ACTA2: variants seen among roughly 807,000 people sequenced by gnomAD.
ACTA2 encodes actin alpha 2, smooth muscle, also known as actin, aortic smooth muscle.
In ACTA2, 12 loss-of-function variants were observed where a neutral mutation model predicts 39.5. That is an observed-to-expected ratio of 0.30 (90% CI 0.19 to 0.49). The LOEUF (loss-of-function observed/expected upper bound fraction) is 0.49, where lower values mean the gene tolerates loss of function less well. ACTA2 is among the 20% of genes least tolerant of loss of function. The pLI is 0.99. For missense variants in ACTA2, 236 were observed against 498.8 expected, an observed-to-expected ratio of 0.47 and a Z score of 5.02; for synonymous variants, 158 against 180.6, an observed-to-expected ratio of 0.88 and a Z score of 1.00.
chr10:88,959,988 G>A (rs1210999755), intron 1 of ACTA2, among the ~76,000 whole-genome samples: 1 of 152,094 alleles, frequency 6.6e-6, no homozygotes, highest in Non-Finnish European at 1.5e-5. Context: ...TTGATATCAA[G>A]ACAAGATGCT....
At chr10:88,947,459 G>A in intron 2 of ACTA2, 73 bp from the exon 3 acceptor site, 1 of 1,601,230 alleles carries the variant, frequency 6.2e-7, no homozygotes. Context: ...AGCCACAAAA[G>A]GTTAAGTCAT....
chr10:88,953,609 T>C (rs1846086547), upstream of ACTA2, among the ~76,000 whole-genome samples: 1 of 152,106 alleles, frequency 6.6e-6, no homozygotes, highest in Admixed American at 6.5e-5. Context: ...TGACAGGAAG[T>C]AGAGAGACCA....
At chr10:88,964,751 C>T (rs1288652845) in intron 1 of ACTA2, among the ~76,000 whole-genome samples, 4 of 152,118 alleles carry the variant, frequency 2.6e-5, no homozygotes, top group African/African-American at 9.7e-5. Context: ...CAAAAAGTAT[C>T]TACATATCTT....
At chr10:88,945,190 G>A (rs1302151505) in intron 3 of ACTA2, among the ~76,000 whole-genome samples, 2 of 152,158 alleles carry the variant, frequency 1.3e-5, no homozygotes, top group Non-Finnish European at 2.9e-5. Flanking sequence ...CTCTGTCTAG[G>A]ACGATACATT....
In ACTA2 at chr10:88,948,918, C is replaced by T; in HGVS notation, c.13G>A (p.Glu5Lys). ...TCACACACCAAGGCAGTGCTGTCCT[C>T]TTCTTCACACATAGCTGGAGCTGCT... is the stretch of plus-strand genomic sequence containing the variant. MCEE[E>K]DSTALVCDNG... Residue 5 changes from glutamate to lysine, a missense_variant, in exon 2 of 9, where the codon GAG becomes AAG. Transcript: ENST00000224784. 6.2e-7 allele frequency: 1 copy of T among 1,613,856 alleles called. No homozygotes were observed. The highest frequency in any genetic ancestry group is 1.7e-5 in the Admixed American group (1 of 60,010).
chr10:88,951,743 C>T (rs756693284), intron 1 of ACTA2, among the ~76,000 whole-genome samples: 23 of 152,120 alleles, frequency 1.5e-4, no homozygotes, highest in South Asian at 2.1e-4. Context: ...GACTAGAGTG[C>T]GTCTTGTGCC....
upstream of ACTA2, among the ~76,000 whole-genome samples, chr10:88,956,665 T>C (rs890002535): frequency 1.3e-5 from 2 of 152,220 alleles, no homozygotes; most frequent in East Asian, 3.8e-4. Context: ...CCATTACATG[T>C]CAAGGCTTTT....
intron 1 of ACTA2, among the ~76,000 whole-genome samples, chr10:88,989,896 C>T (rs966058508): frequency 4.6e-5 from 7 of 152,214 alleles, no homozygotes; most frequent in African/African-American, 1.7e-4. Flanking sequence ...TCCAAACATA[C>T]CTTCTGTAAA....
chr10:88,939,799 C>A, intron 6 of ACTA2, 101 bp from the exon 7 acceptor site: 4 of 1,250,936 alleles, frequency 3.2e-6, no homozygotes, highest in South Asian at 1.3e-5. Flanking sequence ...CATGTGCCAT[C>A]AAAAAATGTG....
In ACTA2 at chr10:88,941,407, C is replaced by A. The variant is rs3816245; in HGVS notation, c.455-17G>T. On this transcript the variant is annotated splice_polypyrimidine_tract_variant and intron_variant, in intron 5 of 8. Transcript: ENST00000224784. ...GCACGATGCCTGGGAGACAATTGGGCGTGATAAGTCACCATGGCAGCTGGC... is the reference window on the plus strand; with the variant it reads ...GCACGATGCCTGGGAGACAATTGGGAGTGATAAGTCACCATGGCAGCTGGC... 2 of 1,613,742 alleles carry A rather than the reference C, an allele frequency of 1.2e-6. No homozygotes were observed.
At chr10:88,952,975 C>T (rs550508674), upstream of ACTA2, among the ~76,000 whole-genome samples, 19 of 152,336 alleles carry the variant, frequency 1.2e-4, no homozygotes, top group South Asian at 1.2e-3. Flanking sequence ...GCTCATGAAA[C>T]GGGAGGCGGT....
intron 1 of ACTA2, among the ~76,000 whole-genome samples, chr10:88,981,458 C>A (rs933143740): frequency 2.6e-5 from 4 of 151,736 alleles, no homozygotes; most frequent in African/African-American, 9.7e-5. Flanking sequence ...ATATTCACAC[C>A]AGGAAAAGTT....
At chr10:88,981,022 G>C (rs995619563) in intron 1 of ACTA2, among the ~76,000 whole-genome samples, 7 of 152,176 alleles carry the variant, frequency 4.6e-5, no homozygotes, top group African/African-American at 1.4e-4. Flanking sequence ...GGTCCTTCCA[G>C]AGGGGATGTT....
intron 1 of ACTA2, chr10:88,989,381 G>T: frequency 1.6e-5 from 6 of 367,234 alleles, no homozygotes; most frequent in Non-Finnish European, 2.2e-5. Context: ...TTTTGGAATA[G>T]TTTTAGGATT....
intron 1 of ACTA2, among the ~76,000 whole-genome samples, chr10:88,970,452 G>C (rs113631043): frequency 0.012 from 1,840 of 152,192 alleles, 44 homozygotes; most frequent in African/African-American, 0.042. Flanking sequence ...TGTTGAGGAG[G>C]GCGTTCAGTT....
At chr10:88,941,950 G>T in intron 4 of ACTA2, 81 bp from the exon 5 acceptor site, 3 of 1,304,276 alleles carry the variant, frequency 2.3e-6, no homozygotes, top group Non-Finnish European at 3.3e-6. Context: ...CTGGTTGATG[G>T]ATGCAGAGGG....
At chr10:88,955,739 A>C (rs1208038466), upstream of ACTA2, among the ~76,000 whole-genome samples, 1 of 152,228 alleles carries the variant, frequency 6.6e-6, no homozygotes, top group African/African-American at 2.4e-5. Flanking sequence ...TAAATGTGAG[A>C]AAAACCATGC....
chr10:88,938,543 C>T (rs1219840063), intron 7 of ACTA2: 1 of 378,360 alleles, frequency 2.6e-6, no homozygotes, highest in South Asian at 2.4e-5. Context: ...TGAAGCCTTC[C>T]AATTCCCTGC....
rs1364730695 is a variant in ACTA2 at position 88,938,261 on chromosome 10, C to T, written c.809-19G>A. On this transcript the variant is annotated intron_variant, in intron 7 of 8. Coordinates refer to ENST00000224784, the MANE Select transcript of ACTA2 (RefSeq NM_001613.4). ...TCCATCCCTGGAAAAGAGACACAGG[C>T]CATGGTCCTTAAGTGGAGAGTAAAA... is the stretch of plus-strand genomic sequence containing the variant. 8.7e-6 allele frequency: 14 copies of T among 1,613,696 alleles called. No individual in the cohort carries two copies. Among genetic ancestry groups the T allele is most frequent in the Non-Finnish European group, 1.2e-5 (14 of 1,179,794 alleles).
Sources: allele counts gnomAD v4.1 joint callset (sites outside exome capture counted in the v4.1 genomes callset), GRCh38; gene constraint gnomAD v4.1.1; transcripts MANE v1.5; gene names NCBI Gene and HGNC (gene_info 2026-07-23, HGNC 2026-07-21).